Variants in KLHL2 observed in about 807,000 individuals in gnomAD.
KLHL2 encodes kelch-like protein 2.
Under a neutral mutation model 75.8 loss-of-function variants are expected in KLHL2, and 15 were observed. That is an observed-to-expected ratio of 0.20 (90% confidence interval 0.13 to 0.30). The LOEUF (loss-of-function observed/expected upper bound fraction) is 0.30, where lower values mean the gene tolerates loss of function less well. Among genes scored for constraint, KLHL2 ranks in the 10% least tolerant of loss-of-function variants. The probability of loss-of-function intolerance (pLI) is 1.00; values close to 1 mark genes in which losing one functional copy is unlikely to be tolerated. For missense variants in KLHL2, 381 were observed against 741.0 expected, an observed-to-expected ratio of 0.51 and a Z score of 5.64; for synonymous variants, 214 against 251.9, an observed-to-expected ratio of 0.85 and a Z score of 1.42.
intron 4 of KLHL2, among the ~76,000 whole-genome samples, chr4:165,256,381 A>G (rs192184354): frequency 1.3e-5 from 2 of 152,324 alleles, no homozygotes; most frequent in African/African-American, 2.4e-5. Flanking sequence ...ATCAGGTGCT[A>G]TGTCCTTCTA....
chr4:165,295,998 A>C (rs114883613), intron 6 of KLHL2, among the ~76,000 whole-genome samples: 2,752 of 152,322 alleles, frequency 0.018, 77 homozygotes, highest in African/African-American at 0.06. Context: ...GCTGCTACTC[A>C]AGTCATTGCC....
intron 8 of KLHL2, among the ~76,000 whole-genome samples, chr4:165,301,856 C>T (rs968353776): frequency 6.6e-5 from 10 of 151,908 alleles, no homozygotes; most frequent in African/African-American, 2.4e-4. Flanking sequence ...CTGCAGAGAC[C>T]TTTAGAGTGA....
At position 165,319,021 on chromosome 4, in the gene KLHL2, G is replaced by A. The variant is rs776465196; in HGVS notation, c.1753+1052G>A. Among the ~76,000 whole-genome samples, 3 of 152,054 alleles carry A rather than the reference G, an allele frequency of 2.0e-5. No homozygotes were observed. The highest frequency in any genetic ancestry group is 2.0e-4 in the Admixed American group (3 of 15,268). On this transcript the variant is annotated intron_variant, in intron 14 of 14. Transcript: ENST00000226725. The surrounding 1 kb of genome is among the most constrained non-coding windows in gnomAD (Gnocchi z 4.5). The stretch of plus-strand genomic sequence containing the variant: ...GAACAAACACCCACAAACCATAGAT[G>A]GTGTCATTCACAGTCCAGAGAAATG...
At chr4:165,210,061 A>AG in intron 1 of KLHL2, 1 of 1,551,134 alleles carries the variant, frequency 6.4e-7, no homozygotes, top group South Asian at 1.2e-5. Context: ...GGAAACTATT[A>AG]GGAAGACTCA....
chr4:165,308,877 G>A (rs1388766668), intron 9 of KLHL2, among the ~76,000 whole-genome samples: 1 of 152,136 alleles, frequency 6.6e-6, no homozygotes, highest in Non-Finnish European at 1.5e-5. Flanking sequence ...GCTAGCAGGG[G>A]GCCAAAACAG....
chr4:165,286,193 G>A (rs1216959885), intron 5 of KLHL2, among the ~76,000 whole-genome samples: 1 of 152,136 alleles, frequency 6.6e-6, no homozygotes, highest in Non-Finnish European at 1.5e-5. Context: ...AAGGTAAGTG[G>A]CCCAAGGTAG....
At chr4:165,310,794 G>A (rs777691774) in intron 10 of KLHL2, 44 bp downstream of exon 10, 29 of 1,436,552 alleles carry the variant, frequency 2.0e-5, no homozygotes, top group South Asian at 1.7e-4. Flanking sequence ...TAAAATTAAC[G>A]TAGTAGTCAT....
At chr4:165,264,605 T>TATATATACAC (rs757273597) in intron 5 of KLHL2, among the ~76,000 whole-genome samples, 33 of 124,128 alleles carry the variant, frequency 2.7e-4, no homozygotes, top group African/African-American at 5.3e-4. Context: ...TATATATATA[T>TATATATACAC]ACACACACAC....
At chr4:165,290,558 G>T (rs1232426515) in intron 5 of KLHL2, among the ~76,000 whole-genome samples, 2 of 152,156 alleles carry the variant, frequency 1.3e-5, no homozygotes, top group African/African-American at 4.8e-5. Flanking sequence ...AGTGTATAAA[G>T]AAAACTTCCT....
At chr4:165,257,002 T>C (rs1039441158) in intron 4 of KLHL2, among the ~76,000 whole-genome samples, 2 of 152,262 alleles carry the variant, frequency 1.3e-5, no homozygotes, top group Admixed American at 1.3e-4. Flanking sequence ...TTCATTGATA[T>C]TATAGAATTG....
At chr4:165,310,017 A>G (rs1746026508) in intron 9 of KLHL2, among the ~76,000 whole-genome samples, 1 of 152,224 alleles carries the variant, frequency 6.6e-6, no homozygotes, top group Non-Finnish European at 1.5e-5. Flanking sequence ...ATGGTACTTT[A>G]GCCCATGCCA....
chr4:165,270,813 C>T (rs1421288895), intron 5 of KLHL2, among the ~76,000 whole-genome samples: 3 of 152,302 alleles, frequency 2.0e-5, no homozygotes, highest in East Asian at 1.9e-4. Flanking sequence ...TGTCCCTTCT[C>T]GGAGCTCAAA....
intron 4 of KLHL2, among the ~76,000 whole-genome samples, chr4:165,250,513 A>G (rs1453955254): frequency 6.6e-6 from 1 of 152,216 alleles, no homozygotes; most frequent in Non-Finnish European, 1.5e-5. Flanking sequence ...GGCTAATTAT[A>G]GTATTAAAAT....
chr4:165,208,220 C>A (rs1736965272), intron 1 of KLHL2, among the ~76,000 whole-genome samples: 1 of 152,078 alleles, frequency 6.6e-6, no homozygotes, highest in African/African-American at 2.4e-5. Flanking sequence ...AATGCATGGG[C>A]ACCTGGTGCC....
At chr4:165,290,033 CTG>C (rs1351482775) in intron 5 of KLHL2, among the ~76,000 whole-genome samples, 1 of 152,058 alleles carries the variant, frequency 6.6e-6, no homozygotes, top group East Asian at 1.9e-4. Context: ...TCAGTGGCTG[CTG>C]TGTTTTCTGT....
rs12650129 is a variant in KLHL2, at chr4:165,275,436, A to G, written c.544+12077A>G. ...AATTGGATTTTAATTATAACTTGAA[A>G]TATGAATTTTATTCAGTATTTCTTA... On this transcript the variant is annotated intron_variant, in intron 5 of 14. Coordinates refer to ENST00000226725, the MANE Select transcript of KLHL2 (RefSeq NM_007246.4). 8.9e-4 allele frequency among the ~76,000 whole-genome samples: 135 copies of G among 152,318 alleles called. 1 individual carries two copies. In the East Asian group the frequency reaches 0.023, roughly 26 times the overall value.
At chr4:165,261,768 G>C (rs59089770) in intron 4 of KLHL2, among the ~76,000 whole-genome samples, 11,400 of 152,264 alleles carry the variant, frequency 0.075, 890 homozygotes, top group African/African-American at 0.2. Context: ...GTTACAGAGA[G>C]ATGTGAATGA....
intron 5 of KLHL2, among the ~76,000 whole-genome samples, chr4:165,283,788 G>T (rs1743873972): frequency 2.6e-5 from 4 of 152,204 alleles, no homozygotes; most frequent in Non-Finnish European, 5.9e-5. Flanking sequence ...CCTAGCAGAG[G>T]TTCCCCATGA....
rs762573437 is a variant in KLHL2, at chr4:165,279,245, T to C, written c.545-15114T>C. The C allele has an allele frequency of 2.0e-6, 3 of 1,536,626 alleles. No homozygotes were observed. The South Asian group carries it at 3.4e-5, about 17-fold the overall frequency. The stretch of plus-strand genomic sequence containing the variant: ...GCCTGTCTTGGACTTGACAAAGTTA[T>C]TATTTCCTGGAATTCTTTTACTAAG... On this transcript the variant is annotated intron_variant, in intron 5 of 14. Coordinates refer to ENST00000226725, the MANE Select transcript of KLHL2 (RefSeq NM_007246.4).
Sources: gnomAD v4.1 joint callset for allele counts (sites outside exome capture counted in the v4.1 genomes callset) on GRCh38, gnomAD v4.1.1 for gene constraint, Gnocchi (gnomAD v3.1) non-coding constraint, MANE v1.5 for transcripts, NCBI Gene and HGNC (gene_info 2026-07-23, HGNC 2026-07-21) for gene names.